The following WWC2 variants were observed in gnomAD, a reference collection of about 807,000 sequenced individuals.
The protein encoded by WWC2 is protein WWC2.
WWC2 carries 101 observed loss-of-function variants against 138.5 expected under a neutral mutation model. The ratio of observed to expected loss-of-function variants is 0.73; its 90% confidence interval spans 0.62 to 0.86. WWC2 has a LOEUF of 0.86. Among genes scored for constraint, WWC2 ranks in the 40% least tolerant of loss-of-function variants. WWC2 has a pLI of 0.00. For synonymous variants in WWC2, 558 were observed against 538.4 expected, an observed-to-expected ratio of 1.04 and a Z score of -0.50; for missense variants, 1,420 against 1,419.4, an observed-to-expected ratio of 1.00 and a Z score of -0.01.
chr4:183,217,676 C>T (rs1173275285), intron 4 of WWC2, among the ~76,000 whole-genome samples: 2 of 151,368 alleles, frequency 1.3e-5, no homozygotes, highest in Non-Finnish European at 2.9e-5. Context: ...TTATACATTA[C>T]CAAATAAAAG....
At chr4:183,157,442 T>C (rs12650037) in intron 1 of WWC2, among the ~76,000 whole-genome samples, 149,481 of 152,292 alleles carry the variant, frequency 0.98, 73,411 homozygotes, top group Middle Eastern at 1. Context: ...CTAGTGGTTG[T>C]TTTACTGGGT....
chr4:183,118,093 T>C lies in WWC2; in HGVS notation c.131+18471T>C, dbSNP rs539265232. Among the ~76,000 whole-genome samples the C allele has an allele frequency of 2.8e-4, 43 of 152,310 alleles. No individual in the cohort carries two copies. The South Asian group carries it at 5.4e-3, about 19-fold the overall frequency. On this transcript the variant is annotated intron_variant, in intron 1 of 22. Coordinates refer to ENST00000403733, the MANE Select transcript of WWC2 (RefSeq NM_024949.6). Reference sequence around the variant, plus strand: ...GATTACAGGAGTGAGCCACTGCGCCTGGCCGGTTATGGATATTTTTTTTAC... The same window carrying C: ...GATTACAGGAGTGAGCCACTGCGCCCGGCCGGTTATGGATATTTTTTTTAC...
chr4:183,221,909 A>G (rs1735945686), intron 4 of WWC2, among the ~76,000 whole-genome samples: 1 of 152,236 alleles, frequency 6.6e-6, no homozygotes, highest in African/African-American at 2.4e-5. Context: ...TATTTACCCA[A>G]TATAAATGAA....
At chr4:183,295,534 G>C (rs1738603834) in intron 21 of WWC2, among the ~76,000 whole-genome samples, 1 of 152,230 alleles carries the variant, frequency 6.6e-6, no homozygotes, top group Non-Finnish European at 1.5e-5. Flanking sequence ...TGGTCCAGCT[G>C]TGCCTTGGTG....
intron 4 of WWC2, among the ~76,000 whole-genome samples, chr4:183,236,219 G>A (rs1214982111): frequency 6.6e-6 from 1 of 152,156 alleles, no homozygotes; most frequent in East Asian, 1.9e-4. Flanking sequence ...CTTTATGCCA[G>A]TTGTGTGCTG....
chr4:183,189,553 T>C (rs1340020603), intron 1 of WWC2, among the ~76,000 whole-genome samples: 1 of 152,206 alleles, frequency 6.6e-6, no homozygotes, highest in Admixed American at 6.5e-5. Flanking sequence ...ATTCAAGTTG[T>C]GAAACACATC....
chr4:183,177,692 A>G (rs1734505122), intron 1 of WWC2, among the ~76,000 whole-genome samples: 1 of 152,192 alleles, frequency 6.6e-6, no homozygotes, highest in African/African-American at 2.4e-5. Flanking sequence ...GAACATGGGC[A>G]TATATTTTTT....
chr4:183,300,664 T>C (rs1738806379), intron 21 of WWC2, among the ~76,000 whole-genome samples: 1 of 151,962 alleles, frequency 6.6e-6, no homozygotes, highest in Non-Finnish European at 1.5e-5. Context: ...GATATAAATA[T>C]AAAAACATAG....
intron 2 of WWC2, among the ~76,000 whole-genome samples, chr4:183,200,225 T>C (rs1354018975): frequency 6.9e-5 from 1 of 14,498 alleles, no homozygotes; most frequent in African/African-American, 7.4e-5. Context: ...TTTATTCATT[T>C]AAGTGTCAGT....
chr4:183,190,779 T>C lies in WWC2; in HGVS notation c.132-2820T>C, dbSNP rs1344928399. ...AATTAAATGCTTATCTGCTAACCAG[T>C]TAGTGGAACAAACTGGATTATTTCC... On this transcript the variant is annotated intron_variant, in intron 1 of 22. Transcript: ENST00000403733. 2.0e-5 allele frequency among the ~76,000 whole-genome samples: 3 copies of C among 152,158 alleles called. No homozygotes were observed. In the East Asian group the frequency reaches 5.8e-4, roughly 29 times the overall value.
At chr4:183,189,076 C>T (rs1289467648) in intron 1 of WWC2, among the ~76,000 whole-genome samples, 1 of 152,032 alleles carries the variant, frequency 6.6e-6, no homozygotes, top group Non-Finnish European at 1.5e-5. Context: ...TGCCTCCATC[C>T]ACTGTTTTCT....
chr4:183,311,729 A>G (rs1739251146), intron 21 of WWC2, among the ~76,000 whole-genome samples: 1 of 151,944 alleles, frequency 6.6e-6, no homozygotes, highest in Non-Finnish European at 1.5e-5. Context: ...GGTGCCCACC[A>G]CCACACCCGG....
Position 183,256,894 on chromosome 4 carries a change from C to G in WWC2, c.1197-2745C>G, listed in dbSNP as rs997890266. ...GAGTGTGATCCTACAGCCCCCCCCC[C>G]CCCCCCCCCGGCTCTGTTCCTGCCC... On this transcript the variant is annotated intron_variant, in intron 9 of 22. Transcript: ENST00000403733. 2.4e-4 allele frequency among the ~76,000 whole-genome samples: 26 copies of G among 106,366 alleles called. 1 individual carries two copies. Among genetic ancestry groups the G allele is most frequent in the Admixed American group, 5.8e-4 (7 of 12,080 alleles). The allele number at this position is 106,366 out of a possible 152,430, so 69.8% of individuals were successfully genotyped here.
chr4:183,169,071 C>T (rs1403489017), intron 1 of WWC2, among the ~76,000 whole-genome samples: 1 of 152,160 alleles, frequency 6.6e-6, no homozygotes, highest in Non-Finnish European at 1.5e-5. Flanking sequence ...TGGTCTTGAA[C>T]TCCTGACCGC....
At position 183,316,945 on chromosome 4, in the gene WWC2, G is replaced by A. The variant is rs878905148; in HGVS notation, c.*1216G>A. ...GATAAACTGACTAATGTGTCCTCCA[G>A]TTTAGAATTTCACCTTACCCGACCC... On this transcript the variant is annotated 3_prime_UTR_variant, in exon 23 of 23. Transcript: ENST00000403733. 3.9e-5 allele frequency: 6 copies of A among 152,132 alleles called. No homozygotes were observed. Among genetic ancestry groups the A allele is most frequent in the Admixed American group, 3.9e-4 (6 of 15,274 alleles). The allele number at this position is 152,132 out of a possible 1,614,324, so 9.4% of individuals were successfully genotyped here. A position where few individuals can be genotyped will look rare whatever the true frequency, so the allele number is the denominator to read the frequency against.
At chr4:183,147,470 A>G (rs1054941369) in intron 1 of WWC2, among the ~76,000 whole-genome samples, 1 of 152,208 alleles carries the variant, frequency 6.6e-6, no homozygotes, top group African/African-American at 2.4e-5. Flanking sequence ...CCCTTCAGTC[A>G]TGGGTGAGAA....
intron 1 of WWC2, among the ~76,000 whole-genome samples, chr4:183,190,764 T>G (rs1229772445): frequency 6.6e-6 from 1 of 152,242 alleles, no homozygotes; most frequent in African/African-American, 2.4e-5. Context: ...AATTAAATGC[T>G]TATCTGCTAA....
chr4:183,159,497 C>A (rs186658406), intron 1 of WWC2, among the ~76,000 whole-genome samples: 1 of 152,048 alleles, frequency 6.6e-6, no homozygotes, highest in Non-Finnish European at 1.5e-5. Context: ...CTCGACTTCC[C>A]GAACTCAGGT....
intron 21 of WWC2, among the ~76,000 whole-genome samples, chr4:183,296,009 T>A (rs1738620807): frequency 6.6e-6 from 1 of 152,204 alleles, no homozygotes. Context: ...CACTTTCATC[T>A]CCTAATTGTC....
Sources: gnomAD v4.1 joint callset for allele counts (sites outside exome capture counted in the v4.1 genomes callset) on GRCh38, gnomAD v4.1.1 for gene constraint, MANE v1.5 for transcripts, NCBI Gene and HGNC (gene_info 2026-07-23, HGNC 2026-07-21) for gene names.